The following PTDSS1 variants were observed in gnomAD, a reference collection of about 807,000 sequenced individuals.
The protein encoded by PTDSS1 is phosphatidylserine synthase 1.
In PTDSS1, 45 loss-of-function variants were observed where a neutral mutation model predicts 70.5. The ratio of observed to expected loss-of-function variants is 0.64; its 90% CI spans 0.50 to 0.82. PTDSS1 has a LOEUF of 0.82. Among genes scored for constraint, PTDSS1 ranks in the 40% least tolerant of loss-of-function variants. The pLI is 0.00. For missense variants in PTDSS1, 417 were observed against 586.1 expected, an observed-to-expected ratio of 0.71 and a Z score of 2.98; for synonymous variants, 188 against 203.8, an observed-to-expected ratio of 0.92 and a Z score of 0.66.
At chr8:96,280,256 T>C (rs1810716103) in intron 2 of PTDSS1, among the ~76,000 whole-genome samples, 1 of 152,186 alleles carries the variant, frequency 6.6e-6, no homozygotes, top group Non-Finnish European at 1.5e-5. Flanking sequence ...GCACGGTGGC[T>C]GACACCTGTA....
Position 96,333,444 on chromosome 8 carries a change from T to C in PTDSS1, c.1313-13T>C. ...AGCCCAGGGTGACGGTGTGCTCTGATTCCTTTGGCCAGGTTCTGAAGACAG... is the reference window on the plus strand; with the variant it reads ...AGCCCAGGGTGACGGTGTGCTCTGACTCCTTTGGCCAGGTTCTGAAGACAG... On this transcript the variant is annotated splice_polypyrimidine_tract_variant and intron_variant, in intron 12 of 12. Coordinates refer to ENST00000517309, the MANE Select transcript of PTDSS1 (RefSeq NM_014754.3). The C allele has an allele frequency of 4.4e-6, 7 of 1,602,262 alleles. No homozygotes were observed. The highest frequency in any genetic ancestry group is 6.0e-6 in the Non-Finnish European group (7 of 1,169,248).
intron 3 of PTDSS1, 131 bp from the exon 4 acceptor site, chr8:96,286,891 A>C: frequency 8.7e-7 from 1 of 1,144,094 alleles, no homozygotes; most frequent in Non-Finnish European, 1.3e-6. Context: ...CCAGATTATA[A>C]GAGGAGTCTT....
chr8:96,330,198 G>A lies in PTDSS1; in HGVS notation c.1174-15G>A, dbSNP rs1394614059. ...TGAACTTTTTTGTGCAGCATCATTT[G>A]TTTTTCTCTTCCAGGCTTTCACCAC... On this transcript the variant is annotated splice_polypyrimidine_tract_variant and intron_variant, in intron 10 of 12. Coordinates refer to ENST00000517309, the MANE Select transcript of PTDSS1 (RefSeq NM_014754.3). The A allele has an allele frequency of 6.2e-7, 1 of 1,606,040 alleles. No individual in the cohort carries two copies. Among genetic ancestry groups the A allele is most frequent in the South Asian group, 1.1e-5 (1 of 90,912 alleles).
At position 96,261,991 on chromosome 8, in the gene PTDSS1, C is replaced by G; in HGVS notation, c.-50C>G. The stretch of plus-strand genomic sequence containing the variant: ...TGGCTAGTCACCCCCGGGGTCCCGG[C>G]CTTCTCGGGCTGGGGCCGCCGCCAC... On this transcript the variant is annotated 5_prime_UTR_variant, in exon 1 of 13. Transcript: ENST00000517309. 1 of 1,572,292 alleles carries G rather than the reference C, an allele frequency of 6.4e-7. No homozygotes were observed. Among genetic ancestry groups the G allele is most frequent in the Admixed American group, 1.8e-5 (1 of 54,646 alleles).
Position 96,335,814 on chromosome 8 carries a change from A to T in PTDSS1, c.*2248A>T, listed in dbSNP as rs943043424. On this transcript the variant is annotated 3_prime_UTR_variant, in exon 13 of 13. Transcript: ENST00000517309. ...TTGGCCTACTTTTTTCACCGTTTCT[A>T]TGGAAATAAACCTCACATTGATGGA... is the stretch of plus-strand genomic sequence containing the variant. The T allele has an allele frequency of 2.0e-5, 3 of 152,154 alleles. No individual in the cohort carries two copies. Among genetic ancestry groups the T allele is most frequent in the African/African-American group, 7.2e-5 (3 of 41,430 alleles). 9.4% of individuals were successfully genotyped at this position (152,154 alleles called of 1,614,324 possible). A position where few individuals can be genotyped will look rare whatever the true frequency, so the allele number is the denominator to read the frequency against.
chr8:96,287,890 C>T (rs532873802), intron 4 of PTDSS1, among the ~76,000 whole-genome samples: 1 of 152,252 alleles, frequency 6.6e-6, no homozygotes, highest in South Asian at 2.1e-4. Context: ...GTTTTTCCCA[C>T]ACCAGCCAAT....
chr8:96,294,970 T>A, intron 4 of PTDSS1, 128 bp from the exon 5 acceptor site: 2 of 845,680 alleles, frequency 2.4e-6, no homozygotes, highest in Non-Finnish European at 3.4e-6. Flanking sequence ...TAAAACTTTC[T>A]CATTTGTTAC....
intron 12 of PTDSS1, among the ~76,000 whole-genome samples, chr8:96,332,771 T>C (rs2130192875): frequency 6.6e-6 from 1 of 152,384 alleles, no homozygotes; most frequent in Middle Eastern, 3.4e-3. Context: ...CAGTGGAGAC[T>C]GTAACTCTGG....
At chr8:96,265,294 A>G (rs1377540926) in intron 1 of PTDSS1, among the ~76,000 whole-genome samples, 2 of 152,214 alleles carry the variant, frequency 1.3e-5, no homozygotes, top group Non-Finnish European at 2.9e-5. Flanking sequence ...TATAACCAGT[A>G]TGTGAGAAAC....
At chr8:96,299,093 C>G (rs917698242) in intron 5 of PTDSS1, among the ~76,000 whole-genome samples, 1 of 151,916 alleles carries the variant, frequency 6.6e-6, no homozygotes, top group Non-Finnish European at 1.5e-5. Flanking sequence ...AATCAAGACC[C>G]TTGACTTCCT....
At chr8:96,304,904 A>G (rs953915895) in intron 7 of PTDSS1, among the ~76,000 whole-genome samples, 2 of 152,238 alleles carry the variant, frequency 1.3e-5, no homozygotes, top group African/African-American at 2.4e-5. Flanking sequence ...TAAACACAAA[A>G]TACTCCCAAC....
At chr8:96,267,473 T>A (rs150644114) in intron 1 of PTDSS1, among the ~76,000 whole-genome samples, 25 of 152,306 alleles carry the variant, frequency 1.6e-4, no homozygotes, top group African/African-American at 5.8e-4. Flanking sequence ...CTCCCTCCAG[T>A]GCTGCCCCTG....
At chr8:96,331,178 T>TATA in intron 12 of PTDSS1, 83 bp downstream of exon 12, 3 of 1,348,364 alleles carry the variant, frequency 2.2e-6, no homozygotes, top group Non-Finnish European at 3.2e-6. Flanking sequence ...GTGGAGATGA[T>TATA]ATAAGCCTTG....
chr8:96,329,298 T>C (rs1038838233), intron 10 of PTDSS1, among the ~76,000 whole-genome samples: 1 of 151,988 alleles, frequency 6.6e-6, no homozygotes, highest in Non-Finnish European at 1.5e-5. Context: ...GAGCTGGCAG[T>C]TGCCTTGTTT....
intron 5 of PTDSS1, among the ~76,000 whole-genome samples, chr8:96,295,511 T>C (rs1810962747): frequency 6.6e-6 from 1 of 152,176 alleles, no homozygotes; most frequent in Non-Finnish European, 1.5e-5. Context: ...GAAATAAAGC[T>C]AAAGAATGAA....
chr8:96,309,578 C>T lies in PTDSS1; in HGVS notation c.1029C>T (p.Thr343=), dbSNP rs566938528. 7.7e-5 allele frequency: 125 copies of T among 1,613,920 alleles called. 1 individual carries two copies. Among genetic ancestry groups the T allele is most frequent in the African/African-American group, 4.0e-4 (30 of 74,980 alleles). Residue 343 remains threonine, a synonymous_variant, in exon 9 of 13, where the codon ACC becomes ACT. Coordinates refer to ENST00000517309, the MANE Select transcript of PTDSS1 (RefSeq NM_014754.3). ...TCAGACAGTACTACGCTTACCTCAC[C>T]GACACACAGTGCAAGCGCGTAGGAA... The part of the protein sequence containing the change: ...PTVRQYYAYL[T]DTQCKRVGTQ...
chr8:96,314,840 C>T (rs1192900762), intron 9 of PTDSS1, among the ~76,000 whole-genome samples: 1 of 152,180 alleles, frequency 6.6e-6, no homozygotes, highest in African/African-American at 2.4e-5. Flanking sequence ...TCGTGATCCG[C>T]CCACCTCAGC....
chr8:96,275,322 A>AT (rs777238453), intron 2 of PTDSS1, among the ~76,000 whole-genome samples: 12 of 151,914 alleles, frequency 7.9e-5, no homozygotes, highest in East Asian at 1.9e-4. Context: ...CACCCAGCTA[A>AT]TTTTTTATAT....
chr8:96,315,604 G>A (rs1362061891), intron 9 of PTDSS1, among the ~76,000 whole-genome samples: 1 of 152,052 alleles, frequency 6.6e-6, no homozygotes, highest in Non-Finnish European at 1.5e-5. Context: ...TTCCCACATT[G>A]TGGAACTGGC....
Sources: gnomAD v4.1 joint callset for allele counts (sites outside exome capture counted in the v4.1 genomes callset) on GRCh38, gnomAD v4.1.1 for gene constraint, MANE v1.5 for transcripts, NCBI Gene and HGNC (gene_info 2026-07-23, HGNC 2026-07-21) for gene names.